Variants in ZNF280D observed in about 807,000 individuals in gnomAD.
ZNF280D encodes the protein zinc finger protein 280D, also known as suppressor of hairy wing homolog 4.
Under a neutral mutation model 94.7 loss-of-function variants are expected in ZNF280D, and 39 were observed. The observed-to-expected ratio is 0.41, with a 90% CI of 0.32 to 0.54. The LOEUF is 0.54. Ranked by LOEUF, ZNF280D falls within the 20% of genes least tolerant of loss-of-function variation. The probability of loss-of-function intolerance (pLI) is 0.22; values close to 1 mark genes in which losing one functional copy is unlikely to be tolerated. For synonymous variants in ZNF280D, 398 were observed against 377.6 expected, an observed-to-expected ratio of 1.05 and a Z score of -0.63; for missense variants, 1,090 against 1,149.3, an observed-to-expected ratio of 0.95 and a Z score of 0.75.
rs773609426 is a variant in ZNF280D at position 56,631,467 on chromosome 15, G to A, written c.*31C>T. The A allele has an allele frequency of 1.5e-5, 24 of 1,601,570 alleles. No individual in the cohort carries two copies. Among genetic ancestry groups the A allele is most frequent in the East Asian group, 4.5e-5 (2 of 44,716 alleles). On this transcript the variant is annotated 3_prime_UTR_variant, in exon 22 of 22. Transcript: ENST00000267807. ...TAGCACTGTTCCAAATGCCCTTATC[G>A]TTGGTACACTGAAACTTAAAATGAC... is the stretch of plus-strand genomic sequence containing the variant.
At chr15:56,709,569 T>C (rs1010586836) in intron 1 of ZNF280D, among the ~76,000 whole-genome samples, 15 of 152,316 alleles carry the variant, frequency 9.8e-5, no homozygotes, top group African/African-American at 2.2e-4. Context: ...CGTATGTTTA[T>C]TGCGGCACTA....
intron 10 of ZNF280D, among the ~76,000 whole-genome samples, chr15:56,679,107 T>C (rs7181745): frequency 6.6e-6 from 1 of 151,954 alleles, no homozygotes; most frequent in African/African-American, 2.4e-5. Context: ...ATTTAAAAAA[T>C]TTTTTTAGAT....
chr15:56,648,674 A>G (rs1174613510), intron 19 of ZNF280D, among the ~76,000 whole-genome samples: 1 of 152,178 alleles, frequency 6.6e-6, no homozygotes, highest in Non-Finnish European at 1.5e-5. Flanking sequence ...GTAACAGCTC[A>G]TATCTCACAA....
Position 56,631,905 on chromosome 15 carries a change from C to G in ZNF280D, c.2533G>C (p.Val845Leu). 13 of 1,613,700 alleles carry G rather than the reference C, an allele frequency of 8.1e-6. No homozygotes were observed. Among genetic ancestry groups the G allele is most frequent in the Non-Finnish European group, 1.1e-5 (13 of 1,179,986 alleles). ...ATCTTCAACTCCATTTCCTGACAAA[C>G]GTGTTGTATTTGTTTTTTCTTTTCC... The part of the protein sequence containing the change: ...KVEKKKQIQH[V>L]CQEMELKMCQ... Residue 845 changes from valine (V) to leucine (L), a missense_variant, in exon 22 of 22, where the codon GTT becomes CTT. This residue lies in a region of ZNF280D where 577 missense variants were observed against 568.8 expected (regional missense o/e 1.01). Coordinates refer to ENST00000267807, the MANE Select transcript of ZNF280D (RefSeq NM_017661.4).
intron 13 of ZNF280D, among the ~76,000 whole-genome samples, chr15:56,672,174 T>C (rs1247216413): frequency 6.6e-6 from 1 of 152,062 alleles, no homozygotes; most frequent in Non-Finnish European, 1.5e-5. Flanking sequence ...GCATTGTTTC[T>C]TTCTTTTGCC....
intron 17 of ZNF280D, among the ~76,000 whole-genome samples, chr15:56,654,998 T>C (rs955757472): frequency 2.0e-5 from 3 of 152,202 alleles, no homozygotes; most frequent in African/African-American, 7.2e-5. Context: ...TTTTATTCAG[T>C]TGGAGATAAA....
chr15:56,669,890 A>ATAT lies in ZNF280D; in HGVS notation c.1411-936_1411-934dup, dbSNP rs2054599498. Among the ~76,000 whole-genome samples, 2 of 6,620 alleles carry ATAT rather than the reference A, an allele frequency of 3.0e-4. 1 individual carries two copies. Among genetic ancestry groups the ATAT allele is most frequent in the African/African-American group, 1.3e-3 (2 of 1,582 alleles). 4.3% of individuals were successfully genotyped at this position (6,620 alleles called of 152,430 possible). The stretch of plus-strand genomic sequence containing the variant: ...TATATATTTTATATATATATATATT[A>ATAT]TATATATATATAATATATATATATT... On this transcript the variant is annotated intron_variant, in intron 13 of 21. Coordinates refer to ENST00000267807, the MANE Select transcript of ZNF280D (RefSeq NM_017661.4).
In ZNF280D at chr15:56,652,271, A is replaced by G. The variant is rs573870322; in HGVS notation, c.2213+1927T>C. On this transcript the variant is annotated intron_variant, in intron 19 of 21. Transcript: ENST00000267807. ...CGGCCTGCCTATCCTTATGGCTATT[A>G]AGATCACAAAAGGCATTTTGCTAGT... is the stretch of plus-strand genomic sequence containing the variant. Among the ~76,000 whole-genome samples the G allele has an allele frequency of 5.5e-4, 84 of 152,276 alleles. 1 individual carries two copies. The highest frequency in any genetic ancestry group is 6.8e-3 in the Middle Eastern group (2 of 294).
At chr15:56,732,896 C>T (rs534792680) in intron 1 of ZNF280D, 1 of 152,320 alleles carries the variant, frequency 6.6e-6, no homozygotes, top group East Asian at 1.9e-4. Flanking sequence ...AACGGGAATT[C>T]TATGGCAGAG....
Position 56,701,098 on chromosome 15 carries a change from T to A in ZNF280D, c.242-26A>T. The A allele has an allele frequency of 1.9e-6, 3 of 1,612,872 alleles. No individual in the cohort carries two copies. The South Asian group carries it at 3.3e-5, about 18-fold the overall frequency. Reference sequence around the variant, plus strand: ...CTGTATTTTAAAGTAACACAATATATGGAAATTATTTGTACATAATCAATT... The same window carrying A: ...CTGTATTTTAAAGTAACACAATATAAGGAAATTATTTGTACATAATCAATT... On this transcript the variant is annotated intron_variant, in intron 5 of 21. Coordinates refer to ENST00000267807, the MANE Select transcript of ZNF280D (RefSeq NM_017661.4).
chr15:56,652,225 G>A (rs894639333), intron 19 of ZNF280D, among the ~76,000 whole-genome samples: 2 of 152,032 alleles, frequency 1.3e-5, no homozygotes, highest in African/African-American at 4.8e-5. Flanking sequence ...ATCTAAACCG[G>A]CTTTAACTGG....
Position 56,732,915 on chromosome 15 carries a change from G to A in ZNF280D, c.-86+543C>T, listed in dbSNP as rs1057125611. 2.0e-5 allele frequency: 3 copies of A among 152,276 alleles called. No individual in the cohort carries two copies. In the South Asian group the frequency reaches 6.2e-4, roughly 32 times the overall value. The allele number at this position is 152,276 out of a possible 1,614,324, so 9.4% of individuals were successfully genotyped here. On this transcript the variant is annotated intron_variant, in intron 1 of 21. Transcript: ENST00000267807. ...GGAATTCTATGGCAGAGGAGGGGAG[G>A]TCTCTTTGACAAAAATGAGGGTGCA...
At chr15:56,670,452 T>C (rs757323290) in intron 13 of ZNF280D, among the ~76,000 whole-genome samples, 2 of 152,028 alleles carry the variant, frequency 1.3e-5, no homozygotes, top group African/African-American at 2.4e-5. Context: ...GGTATTTTTC[T>C]GTTCCTGCAT....
chr15:56,703,311 C>T (rs2057197206), intron 4 of ZNF280D, among the ~76,000 whole-genome samples: 2 of 152,126 alleles, frequency 1.3e-5, no homozygotes, highest in Admixed American at 6.5e-5. Flanking sequence ...AAAGGAGTTG[C>T]TGGAAGACGG....
At chr15:56,726,714 CATTT>C (rs1256245776) in intron 1 of ZNF280D, among the ~76,000 whole-genome samples, 1 of 152,168 alleles carries the variant, frequency 6.6e-6, no homozygotes, top group Non-Finnish European at 1.5e-5. Flanking sequence ...TAATTGTTCT[CATTT>C]ATTTTCCAGT....
intron 1 of ZNF280D, among the ~76,000 whole-genome samples, chr15:56,714,958 T>C (rs1350380543): frequency 6.6e-6 from 1 of 152,292 alleles, no homozygotes; most frequent in Non-Finnish European, 1.5e-5. Context: ...AGGGGGATTA[T>C]GATGAATACA....
chr15:56,638,931 C>T (rs138570920), intron 20 of ZNF280D, among the ~76,000 whole-genome samples: 9 of 151,302 alleles, frequency 5.9e-5, no homozygotes, highest in Middle Eastern at 3.4e-3. Flanking sequence ...TATGTATGGG[C>T]GGGTAAGGAT....
In ZNF280D at chr15:56,672,607, G is replaced by A. The variant is rs55658557; in HGVS notation, c.1411-3650C>T. On this transcript the variant is annotated intron_variant, in intron 13 of 21. Coordinates refer to ENST00000267807, the MANE Select transcript of ZNF280D (RefSeq NM_017661.4). ...GTATTTTGGTGAAGATTTTTGCATC[G>A]AGGTTCATCAAGGATATTGGCCTGA... is the stretch of plus-strand genomic sequence containing the variant. Among the ~76,000 whole-genome samples the A allele has an allele frequency of 6.6e-5, 10 of 151,860 alleles. No homozygotes were observed. The East Asian group carries it at 7.8e-4, about 12-fold the overall frequency.
At chr15:56,726,745 A>G (rs1316832360) in intron 1 of ZNF280D, among the ~76,000 whole-genome samples, 3 of 152,220 alleles carry the variant, frequency 2.0e-5, no homozygotes, top group African/African-American at 7.2e-5. Context: ...ATAGTTTTGC[A>G]AAAATATTGC....
Sources: gnomAD v4.1 joint callset for allele counts (sites outside exome capture counted in the v4.1 genomes callset) on GRCh38, gnomAD v4.1.1 for gene constraint, gnomAD v4.1.1 regional missense constraint, MANE v1.5 for transcripts, NCBI Gene and HGNC (gene_info 2026-07-23, HGNC 2026-07-21) for gene names.